The following METTL15 variants were observed in gnomAD, a reference collection of about 807,000 sequenced individuals.
The protein encoded by METTL15 is 12S rRNA N(4)-cytidine methyltransferase METTL15.
In METTL15, 34 loss-of-function variants were observed where a neutral mutation model predicts 38.3. The observed-to-expected ratio is 0.89, with a 90% CI of 0.68 to 1.18. The LOEUF is 1.18. METTL15 is among the 50% of genes most tolerant of loss of function. The probability of loss-of-function intolerance (pLI) is 0.00; values close to 1 mark genes in which losing one functional copy is unlikely to be tolerated. For missense variants in METTL15, 438 were observed against 498.4 expected, an observed-to-expected ratio of 0.88 and a Z score of 1.15; for synonymous variants, 162 against 170.9, an observed-to-expected ratio of 0.95 and a Z score of 0.41.
At chr11:28,346,366 G>A (rs1409752195) in intron 3 of METTL15, among the ~76,000 whole-genome samples, 1 of 152,048 alleles carries the variant, frequency 6.6e-6, no homozygotes, top group Non-Finnish European at 1.5e-5. Context: ...TTTAAAATGT[G>A]GCTACAATAT....
intron 4 of METTL15, among the ~76,000 whole-genome samples, chr11:28,265,291 A>G (rs1855367698): frequency 6.6e-6 from 1 of 151,594 alleles, no homozygotes; most frequent in African/African-American, 2.4e-5. Context: ...TAAATTCACA[A>G]GGTCTCAGCT....
intron 5 of METTL15, among the ~76,000 whole-genome samples, chr11:28,419,372 C>A (rs902056574): frequency 6.6e-6 from 1 of 152,172 alleles, no homozygotes; most frequent in Non-Finnish European, 1.5e-5. Context: ...CTATAAAATT[C>A]TTCCAGATTT....
intron 3 of METTL15, among the ~76,000 whole-genome samples, chr11:28,161,886 A>G (rs1475852566): frequency 1.3e-5 from 2 of 152,126 alleles, no homozygotes; most frequent in Non-Finnish European, 2.9e-5. Context: ...TATGTCAACA[A>G]GATTTAGTTT....
At chr11:28,193,088 G>A (rs960614461) in intron 3 of METTL15, among the ~76,000 whole-genome samples, 1 of 151,938 alleles carries the variant, frequency 6.6e-6, no homozygotes, top group Non-Finnish European at 1.5e-5. Flanking sequence ...AATTCCACTG[G>A]ATTTTAAGCC....
At chr11:28,238,690 C>G (rs926359579) in intron 4 of METTL15, among the ~76,000 whole-genome samples, 4 of 152,232 alleles carry the variant, frequency 2.6e-5, no homozygotes, top group African/African-American at 9.6e-5. Context: ...AATCACCCGT[C>G]TCCTGCGTCG....
At chr11:28,442,702 G>T (rs1022284801) in intron 6 of METTL15, among the ~76,000 whole-genome samples, 1 of 152,150 alleles carries the variant, frequency 6.6e-6, no homozygotes, top group East Asian at 1.9e-4. Flanking sequence ...CACTTGCAGA[G>T]GTGAGTTTCC....
intron 3 of METTL15, among the ~76,000 whole-genome samples, chr11:28,209,287 A>G (rs1852518526): frequency 6.6e-6 from 1 of 151,942 alleles, no homozygotes; most frequent in South Asian, 2.1e-4. Context: ...ATCCCATGAC[A>G]AGGAAGTAGT....
chr11:28,422,502 G>T (rs746294535), intron 5 of METTL15, among the ~76,000 whole-genome samples: 23 of 151,766 alleles, frequency 1.5e-4, no homozygotes, highest in Non-Finnish European at 3.2e-4. Flanking sequence ...ATAGACCAAA[G>T]AAATGAACAG....
intron 4 of METTL15, among the ~76,000 whole-genome samples, chr11:28,230,238 A>G (rs1853633154): frequency 6.6e-6 from 1 of 151,990 alleles, no homozygotes; most frequent in African/African-American, 2.4e-5. Flanking sequence ...AAATATAAGT[A>G]TAGACCTATA....
At chr11:28,526,310 C>T (rs376676012) in intron 6 of METTL15, among the ~76,000 whole-genome samples, 21 of 152,298 alleles carry the variant, frequency 1.4e-4, no homozygotes, top group African/African-American at 4.1e-4. Flanking sequence ...CAAGAGTGAG[C>T]GAGGGCTGCG....
chr11:28,508,185 T>A lies in METTL15; in HGVS notation c.*425-18293T>A, dbSNP rs562410491. 4.0e-5 allele frequency among the ~76,000 whole-genome samples: 6 copies of A among 151,792 alleles called. No individual in the cohort carries two copies. In the East Asian group the frequency reaches 9.7e-4, roughly 24 times the overall value. On this transcript the variant is annotated intron_variant and NMD_transcript_variant, in intron 6 of 7. Transcript: ENST00000532947. ...CAGCCAGTCCCTCTTCAGTCCTTAT[T>A]TTTTTTTTCATAGCATTTATTACCA...
At chr11:28,512,703 T>A (rs1218833402) in intron 6 of METTL15, among the ~76,000 whole-genome samples, 1 of 152,092 alleles carries the variant, frequency 6.6e-6, no homozygotes, top group Non-Finnish European at 1.5e-5. Context: ...CGGTTCCCTC[T>A]CGCGCCTCTC....
At chr11:28,390,883 T>C (rs1850498575) in intron 5 of METTL15, among the ~76,000 whole-genome samples, 1 of 152,180 alleles carries the variant, frequency 6.6e-6, no homozygotes, top group African/African-American at 2.4e-5. Flanking sequence ...CTTCCATTTG[T>C]TTGTATCCTG....
intron 3 of METTL15, among the ~76,000 whole-genome samples, chr11:28,195,024 C>T (rs1044369075): frequency 2.0e-5 from 3 of 151,942 alleles, no homozygotes; most frequent in African/African-American, 7.3e-5. Flanking sequence ...CTGCAAAAGA[C>T]ATTTTTTTCT....
At chr11:28,296,298 CA>C (rs1385581210) in intron 5 of METTL15, among the ~76,000 whole-genome samples, 1 of 152,088 alleles carries the variant, frequency 6.6e-6, no homozygotes, top group East Asian at 1.9e-4. Context: ...CACAAGTAAT[CA>C]GTTATTTTAC....
intron 3 of METTL15, among the ~76,000 whole-genome samples, chr11:28,208,577 G>A (rs1852473089): frequency 6.6e-6 from 1 of 152,098 alleles, no homozygotes; most frequent in African/African-American, 2.4e-5. Context: ...TGAAAAAAAT[G>A]TATATTCTAT....
chr11:28,265,278 C>A (rs1354742935), intron 4 of METTL15, among the ~76,000 whole-genome samples: 1 of 151,502 alleles, frequency 6.6e-6, no homozygotes, highest in Non-Finnish European at 1.5e-5. Context: ...TTGTCTCTTT[C>A]CCTAAATTCA....
chr11:28,384,916 T>G (rs1441458619), intron 5 of METTL15, among the ~76,000 whole-genome samples: 4 of 152,206 alleles, frequency 2.6e-5, no homozygotes, highest in African/African-American at 9.6e-5. Context: ...CTTTTTCCCA[T>G]GCTTTCTGGC....
intron 4 of METTL15, among the ~76,000 whole-genome samples, chr11:28,285,931 C>T (rs1856243330): frequency 6.6e-6 from 1 of 151,994 alleles, no homozygotes; most frequent in African/African-American, 2.4e-5. Context: ...TTATAGTGGG[C>T]CATTGGGATA....
Sources: gnomAD v4.1 joint callset for allele counts (sites outside exome capture counted in the v4.1 genomes callset) on GRCh38, gnomAD v4.1.1 for gene constraint, MANE v1.5 for transcripts, NCBI Gene and HGNC (gene_info 2026-07-23, HGNC 2026-07-21) for gene names.